ERBB4: variants seen among roughly 807,000 people sequenced by gnomAD.
ERBB4 encodes erb-b2 receptor tyrosine kinase 4.
A neutral mutation model predicts 158.0 loss-of-function variants in ERBB4; 42 were observed. That is an observed-to-expected ratio of 0.27 (90% confidence interval 0.21 to 0.34). The LOEUF is 0.34. Among genes scored for constraint, ERBB4 ranks in the 10% least tolerant of loss-of-function variants. The pLI is 1.00. For missense variants in ERBB4, 1,333 were observed against 1,624.1 expected (o/e 0.82, Z 3.08); for synonymous variants, 583 against 558.7 (o/e 1.04, Z -0.61).
chr2:212,392,934 C>T (rs115481520), intron 1 of ERBB4, among the ~76,000 whole-genome samples: 2,169 of 152,022 alleles, frequency 0.014, 22 homozygotes, highest in Non-Finnish European at 0.023. Flanking sequence ...CACTTTTGTT[C>T]CCCGGCAATC....
chr2:211,736,128 G>T (rs974115977), intron 5 of ERBB4, among the ~76,000 whole-genome samples: 3 of 150,988 alleles, frequency 2.0e-5, no homozygotes, highest in African/African-American at 7.3e-5. Context: ...GTGCCTCTGT[G>T]CTCCAGCCTG....
At chr2:211,852,725 C>T (rs1360736214) in intron 3 of ERBB4, among the ~76,000 whole-genome samples, 2 of 144,924 alleles carry the variant, frequency 1.4e-5, no homozygotes, top group African/African-American at 5.1e-5. Context: ...TAATGGCCTA[C>T]ATTTATTTAG....
chr2:211,776,099 G>A (rs781479721), intron 4 of ERBB4, among the ~76,000 whole-genome samples: 18 of 152,270 alleles, frequency 1.2e-4, no homozygotes, highest in African/African-American at 2.2e-4. Context: ...TCGACTTTAG[G>A]GCTAAGTGTA....
At chr2:211,858,425 A>G (rs1242162837) in intron 3 of ERBB4, among the ~76,000 whole-genome samples, 1 of 152,224 alleles carries the variant, frequency 6.6e-6, no homozygotes, top group Non-Finnish European at 1.5e-5. Flanking sequence ...AAAGCTTATG[A>G]AAAGTCAAAA....
At chr2:212,273,014 A>C (rs2085399106) in intron 1 of ERBB4, among the ~76,000 whole-genome samples, 1 of 151,682 alleles carries the variant, frequency 6.6e-6, no homozygotes, top group Non-Finnish European at 1.5e-5. Flanking sequence ...ATAAGGGTAC[A>C]CACTGTTTAT....
intron 1 of ERBB4, among the ~76,000 whole-genome samples, chr2:212,314,333 T>C (rs993318808): frequency 2.0e-4 from 30 of 150,940 alleles, no homozygotes; most frequent in African/African-American, 7.0e-4. Context: ...TCTGAACACA[T>C]TCCCAAGAAC....
intron 14 of ERBB4, among the ~76,000 whole-genome samples, chr2:211,666,577 A>G (rs887096602): frequency 1.3e-5 from 2 of 152,236 alleles, no homozygotes; most frequent in African/African-American, 4.8e-5. Context: ...ATATCGTCAG[A>G]GCAAAGAAAA....
chr2:212,157,008 A>C (rs893894042), intron 1 of ERBB4, among the ~76,000 whole-genome samples: 1 of 152,060 alleles, frequency 6.6e-6, no homozygotes, highest in African/African-American at 2.4e-5. Flanking sequence ...ATGTTCATCA[A>C]AATAATTTAT....
chr2:212,102,789 T>C (rs1484403699), intron 2 of ERBB4, among the ~76,000 whole-genome samples: 1 of 152,146 alleles, frequency 6.6e-6, no homozygotes, highest in Non-Finnish European at 1.5e-5. Flanking sequence ...TTCCACTCAA[T>C]TGATCTTCCA....
At chr2:212,158,385 A>C (rs1407819765) in intron 1 of ERBB4, among the ~76,000 whole-genome samples, 2 of 151,956 alleles carry the variant, frequency 1.3e-5, no homozygotes, top group Non-Finnish European at 2.9e-5. Context: ...ACTATACTGG[A>C]AATACTTAAA....
intron 3 of ERBB4, among the ~76,000 whole-genome samples, chr2:211,928,011 G>T (rs2080067107): frequency 6.6e-6 from 1 of 152,050 alleles, no homozygotes; most frequent in Admixed American, 6.6e-5. Context: ...AGAGATGAAA[G>T]AGAAATTTAA....
chr2:211,461,899 A>C lies in ERBB4; in HGVS notation c.2488-30799T>G, dbSNP rs1043968960. On this transcript the variant is annotated intron_variant, in intron 20 of 27. Transcript: ENST00000342788. ...CCTACACTGCTATTTAAAAAAAAAAACAATAAAACAACAACAAAAAAAAAC... is the reference window on the plus strand; with the variant it reads ...CCTACACTGCTATTTAAAAAAAAAACCAATAAAACAACAACAAAAAAAAAC... 1.1e-4 allele frequency among the ~76,000 whole-genome samples: 16 copies of C among 151,936 alleles called. 1 individual carries two copies. Among genetic ancestry groups the C allele is most frequent in the Admixed American group, 1.0e-3 (16 of 15,252 alleles).
chr2:212,258,402 A>G (rs552493524), intron 1 of ERBB4, among the ~76,000 whole-genome samples: 4 of 151,822 alleles, frequency 2.6e-5, no homozygotes, highest in Non-Finnish European at 5.9e-5. Context: ...ACAATAACGA[A>G]AAATACCGTC....
chr2:212,067,904 A>G (rs1223687815), intron 2 of ERBB4, among the ~76,000 whole-genome samples: 1 of 151,876 alleles, frequency 6.6e-6, no homozygotes, highest in Non-Finnish European at 1.5e-5. Flanking sequence ...CTAACTGAAC[A>G]GAGAGGAATC....
At chr2:212,431,679 A>T (rs2092033634) in intron 1 of ERBB4, among the ~76,000 whole-genome samples, 1 of 152,174 alleles carries the variant, frequency 6.6e-6, no homozygotes, top group South Asian at 2.1e-4. Context: ...TTCTATGATG[A>T]CATCTCTCAT....
At chr2:211,391,100 A>C (rs955857762) in intron 25 of ERBB4, among the ~76,000 whole-genome samples, 1 of 152,296 alleles carries the variant, frequency 6.6e-6, no homozygotes, top group Admixed American at 6.5e-5. Flanking sequence ...ATAATTTATA[A>C]GCTTTGAAAA....
chr2:212,049,636 A>C (rs1383915638), intron 2 of ERBB4, among the ~76,000 whole-genome samples: 1 of 152,218 alleles, frequency 6.6e-6, no homozygotes, highest in African/African-American at 2.4e-5. Flanking sequence ...TTTAAATAAA[A>C]AGACACAATT....
intron 1 of ERBB4, among the ~76,000 whole-genome samples, chr2:212,216,461 T>C (rs2083102542): frequency 6.6e-6 from 1 of 151,320 alleles, no homozygotes; most frequent in South Asian, 2.1e-4. Context: ...GTCACTCCCA[T>C]GTAGAGAGTG....
intron 3 of ERBB4, among the ~76,000 whole-genome samples, chr2:211,810,721 G>A (rs184591135): frequency 0.085 from 12,108 of 142,540 alleles, 573 homozygotes; most frequent in Non-Finnish European, 0.091. Flanking sequence ...GTGGGACTGC[G>A]GACTGCAGTG....
Sources: gnomAD v4.1 joint callset for allele counts (sites outside exome capture counted in the v4.1 genomes callset) on GRCh38, gnomAD v4.1.1 for gene constraint, MANE v1.5 for transcripts, NCBI Gene and HGNC (gene_info 2026-07-23, HGNC 2026-07-21) for gene names.